The following EPB41L4A variants were observed in gnomAD, a reference collection of about 807,000 sequenced individuals.
EPB41L4A encodes erythrocyte membrane protein band 4.1 like 4A.
EPB41L4A carries 100 observed loss-of-function variants against 108.6 expected under a neutral mutation model. That is an observed-to-expected ratio of 0.92 (90% CI 0.78 to 1.09). The LOEUF is 1.09. Ranked by LOEUF, EPB41L4A falls within the 50% of genes least tolerant of loss-of-function variation. The pLI is 0.00. For synonymous variants in EPB41L4A, 319 were observed against 289.0 expected (o/e 1.10, Z -1.05); for missense variants, 1,030 against 842.7 (o/e 1.22, Z -2.75).
At chr5:112,293,314 C>G (rs1439213068) in intron 2 of EPB41L4A, among the ~76,000 whole-genome samples, 2 of 150,718 alleles carry the variant, frequency 1.3e-5, no homozygotes, top group Non-Finnish European at 2.9e-5. Flanking sequence ...ATTTTGTGAC[C>G]CAGGCATTAA....
intron 9 of EPB41L4A, among the ~76,000 whole-genome samples, chr5:112,241,562 T>C (rs1749788213): frequency 6.6e-6 from 1 of 152,034 alleles, no homozygotes; most frequent in African/African-American, 2.4e-5. Flanking sequence ...GAAAAAATAA[T>C]ACAAATTTAA....
intron 17 of EPB41L4A, among the ~76,000 whole-genome samples, chr5:112,184,446 G>T (rs557776654): frequency 2.6e-5 from 4 of 152,198 alleles, no homozygotes; most frequent in African/African-American, 9.6e-5. Flanking sequence ...AGAAACTCTG[G>T]TGTCTGCTAT....
At chr5:112,374,750 G>T (rs370809711) in intron 1 of EPB41L4A, among the ~76,000 whole-genome samples, 6 of 152,142 alleles carry the variant, frequency 3.9e-5, no homozygotes, top group East Asian at 1.9e-4. Context: ...GATCGGTTTT[G>T]ATTTTTGCCT....
intron 11 of EPB41L4A, 85 bp downstream of exon 11, chr5:112,239,575 T>C (rs1293965457): frequency 1.3e-6 from 1 of 790,342 alleles, no homozygotes; most frequent in Non-Finnish European, 1.9e-6. Flanking sequence ...AAAAAATAAA[T>C]AAATAACTTC....
intron 22 of EPB41L4A, 28 bp downstream of exon 22, chr5:112,168,711 A>G: frequency 6.3e-7 from 1 of 1,580,636 alleles, no homozygotes; most frequent in Non-Finnish European, 8.7e-7. Flanking sequence ...TCAATACAAC[A>G]CCTTCTTCAA....
chr5:112,199,141 C>A (rs958339382), intron 15 of EPB41L4A, among the ~76,000 whole-genome samples: 2 of 152,174 alleles, frequency 1.3e-5, no homozygotes, highest in Non-Finnish European at 2.9e-5. Context: ...ATATGTAAGT[C>A]TTTTCTCTTG....
chr5:112,409,448 T>C (rs1240219524), intron 1 of EPB41L4A, among the ~76,000 whole-genome samples: 3 of 152,262 alleles, frequency 2.0e-5, no homozygotes, highest in African/African-American at 4.8e-5. Context: ...GAACAACCAC[T>C]GAATTGGACA....
Position 112,204,458 on chromosome 5 carries a change from A to AT in EPB41L4A, c.1292_1293insA (p.Lys432Ter). 1 of 1,613,674 alleles carries AT rather than the reference A, an allele frequency of 6.2e-7. No homozygotes were observed. The highest frequency in any genetic ancestry group is 1.1e-5 in the South Asian group (1 of 91,068). On this transcript the variant is annotated frameshift_variant, in exon 15 of 23. Transcript: ENST00000261486. LOFTEE classifies it high-confidence loss of function. ...GCGTGTAAGGGAACTTTGGCGACTT[A>AT]GTGCGATCACTGGGAGAATTGTAGA...
At chr5:112,208,771 G>A (rs2150308485) in intron 13 of EPB41L4A, among the ~76,000 whole-genome samples, 1 of 152,262 alleles carries the variant, frequency 6.6e-6, no homozygotes, top group Non-Finnish European at 1.5e-5. Flanking sequence ...TACTCCTTCT[G>A]CACATTCTAA....
At chr5:112,234,364 C>G (rs4998734) in intron 12 of EPB41L4A, among the ~76,000 whole-genome samples, 147,166 of 151,646 alleles carry the variant, frequency 0.97, 71,584 homozygotes, top group East Asian at 1. Flanking sequence ...CCTGGTGACA[C>G]AGCAAGATCC....
intron 1 of EPB41L4A, among the ~76,000 whole-genome samples, chr5:112,335,223 C>G (rs1756839980): frequency 6.6e-6 from 1 of 152,158 alleles, no homozygotes; most frequent in Non-Finnish European, 1.5e-5. Flanking sequence ...ACAAAAGCAA[C>G]TGTGCTAGAG....
At chr5:112,393,396 T>C (rs1761089337) in intron 1 of EPB41L4A, among the ~76,000 whole-genome samples, 1 of 151,814 alleles carries the variant, frequency 6.6e-6, no homozygotes, top group Non-Finnish European at 1.5e-5. Context: ...CGATAAAAAA[T>C]GATAAAGGGG....
chr5:112,419,385 G>C (rs1042410663), upstream of EPB41L4A: 14 of 356,822 alleles, frequency 3.9e-5, no homozygotes, highest in Non-Finnish European at 4.9e-5. Context: ...AAAGTCTCCT[G>C]GCACTGGGGG....
chr5:112,367,240 G>C (rs1166905916), intron 1 of EPB41L4A, among the ~76,000 whole-genome samples: 3 of 152,186 alleles, frequency 2.0e-5, no homozygotes, highest in Non-Finnish European at 4.4e-5. Flanking sequence ...GGATCATCTT[G>C]CCCAATACTT....
chr5:112,301,673 C>T (rs779137330), intron 2 of EPB41L4A, among the ~76,000 whole-genome samples: 26 of 152,152 alleles, frequency 1.7e-4, no homozygotes, highest in Non-Finnish European at 3.2e-4. Context: ...ACACACTGCA[C>T]GATCCGTCCG....
intron 1 of EPB41L4A, among the ~76,000 whole-genome samples, chr5:112,323,082 C>G (rs1755909245): frequency 6.6e-6 from 1 of 151,996 alleles, no homozygotes; most frequent in Admixed American, 6.6e-5. Flanking sequence ...ATTCAGAGTT[C>G]TGAAAGATCA....
At chr5:112,407,269 GAA>G (rs949942623) in intron 1 of EPB41L4A, among the ~76,000 whole-genome samples, 1 of 152,148 alleles carries the variant, frequency 6.6e-6, no homozygotes, top group Non-Finnish European at 1.5e-5. Context: ...GTGCCATCCA[GAA>G]AAGACTGTAA....
Position 112,259,982 on chromosome 5 carries a change from G to A in EPB41L4A, c.643-3C>T, listed in dbSNP as rs1751386366. 6.2e-7 allele frequency: 1 copy of A among 1,609,664 alleles called. No homozygotes were observed. Among genetic ancestry groups the A allele is most frequent in the African/African-American group, 1.3e-5 (1 of 74,792 alleles). On this transcript the variant is annotated splice_polypyrimidine_tract_variant and splice_region_variant and intron_variant, in intron 7 of 22. Coordinates refer to ENST00000261486, the MANE Select transcript of EPB41L4A (RefSeq NM_022140.5). ...AAATACTCAGACTTGTTTTCTCCCT[G>A]CAAAAACAAACATATGCCTATAACC...
At chr5:112,271,948 A>G (rs1580579514) in intron 4 of EPB41L4A, among the ~76,000 whole-genome samples, 1 of 152,182 alleles carries the variant, frequency 6.6e-6, no homozygotes, top group Non-Finnish European at 1.5e-5. Context: ...TTCAGAAAAC[A>G]TCTTAGAACA....
Sources: allele counts gnomAD v4.1 joint callset (sites outside exome capture counted in the v4.1 genomes callset), GRCh38; gene constraint gnomAD v4.1.1; transcripts MANE v1.5; gene names NCBI Gene and HGNC (gene_info 2026-07-23, HGNC 2026-07-21).